The following BBOX1 variants were observed in gnomAD, a reference collection of about 807,000 sequenced individuals.
BBOX1 encodes the protein gamma-butyrobetaine dioxygenase.
A neutral mutation model predicts 41.6 loss-of-function variants in BBOX1; 35 were observed. The ratio of observed to expected loss-of-function variants is 0.84; its 90% CI spans 0.64 to 1.11. The LOEUF (loss-of-function observed/expected upper bound fraction) is 1.11, where lower values mean the gene tolerates loss of function less well. Ranked by LOEUF, BBOX1 falls within the 50% of genes most tolerant of loss-of-function variation. BBOX1 has a pLI of 0.00. For missense variants in BBOX1, 458 were observed against 460.6 expected (o/e 0.99, Z 0.05); for synonymous variants, 163 against 154.7 (o/e 1.05, Z -0.40).
intron 6 of BBOX1, among the ~76,000 whole-genome samples, chr11:27,119,368 A>C (rs1041014461): frequency 3.9e-5 from 6 of 152,028 alleles, no homozygotes; most frequent in African/African-American, 4.8e-5. Context: ...AATGAGCATT[A>C]TCATGCCTGC....
At chr11:27,071,104 G>A (rs960585352) in intron 4 of BBOX1, among the ~76,000 whole-genome samples, 1 of 152,090 alleles carries the variant, frequency 6.6e-6, no homozygotes, top group Non-Finnish European at 1.5e-5. Flanking sequence ...GTCAGGTGCG[G>A]TGGCTCATGC....
intron 2 of BBOX1, among the ~76,000 whole-genome samples, chr11:27,041,753 G>A (rs1851353066): frequency 6.6e-6 from 1 of 152,160 alleles, no homozygotes; most frequent in Non-Finnish European, 1.5e-5. Context: ...GTTTGGCTTA[G>A]TCTGATAGTC....
chr11:27,057,063 TTAAAAAA>T lies in BBOX1; in HGVS notation c.220-137_220-131del, dbSNP rs1446067601. 1.5e-4 allele frequency: 23 copies of T among 149,888 alleles called. 1 individual carries two copies. Among genetic ancestry groups the T allele is most frequent in the African/African-American group, 6.3e-4 (10 of 15,880 alleles). 9.3% of individuals were successfully genotyped at this position (149,888 alleles called of 1,614,324 possible). ...CCTGGCAACAGAGGAAGACTCCGAC[TTAAAAAA>T]AAAAAAAAAAAAAAATTAAGCAAAG... is the stretch of plus-strand genomic sequence containing the variant. On this transcript the variant is annotated intron_variant, in intron 3 of 8. Coordinates refer to ENST00000263182, the MANE Select transcript of BBOX1 (RefSeq NM_003986.3).
At chr11:27,102,871 T>G (rs1420403714) in intron 5 of BBOX1, among the ~76,000 whole-genome samples, 3 of 152,144 alleles carry the variant, frequency 2.0e-5, no homozygotes, top group Non-Finnish European at 1.5e-5. Context: ...ATAGTTTTAC[T>G]GGCAATATGA....
intron 4 of BBOX1, among the ~76,000 whole-genome samples, chr11:27,078,013 A>G (rs1213105586): frequency 4.6e-5 from 7 of 151,888 alleles, no homozygotes; most frequent in Non-Finnish European, 1.0e-4. Flanking sequence ...GGGCTTTCCA[A>G]TCCTCCCACA....
intron 6 of BBOX1, among the ~76,000 whole-genome samples, chr11:27,117,312 A>G (rs1054592817): frequency 6.6e-6 from 1 of 151,934 alleles, no homozygotes; most frequent in Non-Finnish European, 1.5e-5. Flanking sequence ...ATTGTTACCC[A>G]TTCTTCTTGC....
chr11:27,095,945 A>G (rs1333546519), intron 5 of BBOX1, among the ~76,000 whole-genome samples: 2 of 152,014 alleles, frequency 1.3e-5, no homozygotes, highest in Admixed American at 1.3e-4. Flanking sequence ...GGAATAGCCA[A>G]TTTAAAAAAT....
chr11:27,104,757 A>C (rs1036953473), intron 5 of BBOX1, among the ~76,000 whole-genome samples: 1 of 152,154 alleles, frequency 6.6e-6, no homozygotes, highest in Non-Finnish European at 1.5e-5. Flanking sequence ...TTCTCCCAGC[A>C]TGGAGTTTGA....
intron 4 of BBOX1, among the ~76,000 whole-genome samples, chr11:27,087,700 T>C (rs998973737): frequency 1.3e-5 from 2 of 152,020 alleles, no homozygotes; most frequent in Admixed American, 1.3e-4. Flanking sequence ...AACTGGTTAG[T>C]CACAGCAGCG....
intron 4 of BBOX1, among the ~76,000 whole-genome samples, chr11:27,070,882 C>T (rs182188576): frequency 3.1e-4 from 47 of 152,120 alleles, no homozygotes; most frequent in African/African-American, 9.2e-4. Flanking sequence ...GTGAGTTTTA[C>T]GCTTTCAAGA....
At chr11:27,126,677 C>CTTTTTTTTTTTT in intron 8 of BBOX1, among the ~76,000 whole-genome samples, 1 of 127,828 alleles carries the variant, frequency 7.8e-6, no homozygotes, top group African/African-American at 2.8e-5. Flanking sequence ...TCTTTTTTTT[C>CTTTTTTTTTTTT]TTTTTTTTTT....
At chr11:27,112,060 C>T (rs771777149) in intron 5 of BBOX1, among the ~76,000 whole-genome samples, 21 of 151,930 alleles carry the variant, frequency 1.4e-4, no homozygotes, top group Non-Finnish European at 8.8e-5. Flanking sequence ...ACTGTCTAAG[C>T]CTCTGCATTT....
chr11:27,095,939 T>G (rs1446455831), intron 5 of BBOX1, among the ~76,000 whole-genome samples: 1 of 152,032 alleles, frequency 6.6e-6, no homozygotes, highest in African/African-American at 2.4e-5. Flanking sequence ...CTTATTGGAA[T>G]AGCCAATTTA....
chr11:27,049,388 C>T (rs1277561342), intron 2 of BBOX1, among the ~76,000 whole-genome samples: 2 of 151,946 alleles, frequency 1.3e-5, no homozygotes, highest in Non-Finnish European at 2.9e-5. Context: ...AATGTCTATT[C>T]CATTTCCTTG....
intron 5 of BBOX1, among the ~76,000 whole-genome samples, chr11:27,105,322 C>T (rs546436507): frequency 5.9e-5 from 9 of 152,150 alleles, no homozygotes; most frequent in African/African-American, 2.2e-4. Flanking sequence ...TCGAACCCAT[C>T]GCAAAGAAGC....
intron 2 of BBOX1, among the ~76,000 whole-genome samples, chr11:27,049,599 AT>A (rs1196583310): frequency 6.6e-6 from 1 of 151,958 alleles, no homozygotes; most frequent in Non-Finnish European, 1.5e-5. Context: ...AGTTGTTTGA[AT>A]TCCTCATATA....
At chr11:27,075,347 G>A (rs1857598161) in intron 4 of BBOX1, among the ~76,000 whole-genome samples, 1 of 152,078 alleles carries the variant, frequency 6.6e-6, no homozygotes, top group African/African-American at 2.4e-5. Context: ...AATAGCAGAG[G>A]TCTCTTTAAG....
At chr11:27,052,823 T>G (rs115181862) in intron 2 of BBOX1, among the ~76,000 whole-genome samples, 19 of 152,264 alleles carry the variant, frequency 1.2e-4, no homozygotes, top group African/African-American at 4.6e-4. Flanking sequence ...TCTTTTAGAT[T>G]TTATACTTCC....
rs748677790 is a variant in BBOX1 at position 27,051,847 on chromosome 11, T to G, written c.-38-3546T>G. Among the ~76,000 whole-genome samples the G allele has an allele frequency of 2.6e-4, 40 of 152,182 alleles. 2 individuals carry two copies. Among genetic ancestry groups the G allele is most frequent in the Middle Eastern group, 3.4e-3 (1 of 294 alleles). ...GATAACTTAGGGATTAATGTGTTCT[T>G]CTTTTTTCTAGTTCCTTGAAGTGTA... On this transcript the variant is annotated intron_variant, in intron 2 of 8. Transcript: ENST00000263182.
Sources: allele counts gnomAD v4.1 joint callset (sites outside exome capture counted in the v4.1 genomes callset), GRCh38; gene constraint gnomAD v4.1.1; transcripts MANE v1.5; gene names NCBI Gene and HGNC (gene_info 2026-07-23, HGNC 2026-07-21).